The following CSMD1 variants were observed in gnomAD, a reference collection of about 807,000 sequenced individuals.
The protein encoded by CSMD1 is CUB and sushi domain-containing protein 1.
A neutral mutation model predicts 417.5 loss-of-function variants in CSMD1; 213 were observed. The ratio of observed to expected loss-of-function variants is 0.51; its 90% CI spans 0.46 to 0.57. The LOEUF (loss-of-function observed/expected upper bound fraction) is 0.57, where lower values mean the gene tolerates loss of function less well. Among genes scored for constraint, CSMD1 ranks in the 20% least tolerant of loss-of-function variants. The pLI is 0.00. For missense variants in CSMD1, 6,923 were observed against 4,529.7 expected (o/e 1.53, Z -15.17); for synonymous variants, 2,862 against 1,736.8 (o/e 1.65, Z -16.11).
At chr8:4,910,117 T>A (rs191291674) in intron 1 of CSMD1, among the ~76,000 whole-genome samples, 1 of 152,358 alleles carries the variant, frequency 6.6e-6, no homozygotes. Context: ...ATTGTCTAAA[T>A]TTTTATATCA....
At chr8:4,590,841 T>C in intron 2 of CSMD1, among the ~76,000 whole-genome samples, 1 of 152,208 alleles carries the variant, frequency 6.6e-6, no homozygotes, top group East Asian at 1.9e-4. Flanking sequence ...ATATGGGACA[T>C]AATTTGAGCT....
At position 3,271,432 on chromosome 8, in the gene CSMD1, G is replaced by C. The variant is rs1325033475; in HGVS notation, c.4153+12712C>G. Among the ~76,000 whole-genome samples, 4 of 151,230 alleles carry C rather than the reference G, an allele frequency of 2.6e-5. No individual in the cohort carries two copies. In the Middle Eastern group the frequency reaches 0.01, roughly 388 times the overall value. Reference sequence around the variant, plus strand: ...ATAGCAGCATGATTTATATTCCTTTGGGTATATACCCAGTAATGGGATGGC... The same window carrying C: ...ATAGCAGCATGATTTATATTCCTTTCGGTATATACCCAGTAATGGGATGGC... On this transcript the variant is annotated intron_variant, in intron 26 of 69. Transcript: ENST00000635120.
At chr8:4,427,134 C>A (rs1045721922) in intron 2 of CSMD1, among the ~76,000 whole-genome samples, 2 of 150,854 alleles carry the variant, frequency 1.3e-5, no homozygotes, top group Non-Finnish European at 3.0e-5. Flanking sequence ...CCTCTCCTGC[C>A]AGGTAGGGGT....
chr8:3,677,954 G>A (rs1268420310), intron 7 of CSMD1, among the ~76,000 whole-genome samples: 1 of 152,104 alleles, frequency 6.6e-6, no homozygotes, highest in Non-Finnish European at 1.5e-5. Context: ...TGCACTTGAG[G>A]AGCAGAAACA....
At chr8:3,521,485 T>C (rs1797506289) in intron 10 of CSMD1, among the ~76,000 whole-genome samples, 1 of 152,188 alleles carries the variant, frequency 6.6e-6, no homozygotes, top group Non-Finnish European at 1.5e-5. Context: ...TGTTCCTTGC[T>C]GTGGTCATGC....
intron 12 of CSMD1, among the ~76,000 whole-genome samples, chr8:3,460,448 G>A (rs1816425136): frequency 6.6e-6 from 1 of 152,032 alleles, no homozygotes; most frequent in South Asian, 2.1e-4. Context: ...AACAGTGTAG[G>A]AACACTCTCT....
intron 3 of CSMD1, among the ~76,000 whole-genome samples, chr8:4,104,530 T>G (rs1412608857): frequency 1.4e-5 from 2 of 145,580 alleles, no homozygotes; most frequent in South Asian, 4.8e-4. Context: ...TCCCACACCC[T>G]AAATTTGCAA....
At chr8:3,805,969 T>A (rs1034412785) in intron 5 of CSMD1, among the ~76,000 whole-genome samples, 2 of 152,094 alleles carry the variant, frequency 1.3e-5, no homozygotes, top group African/African-American at 4.8e-5. Context: ...TCTTCCGTCT[T>A]CAGATTCTAG....
chr8:4,911,424 C>G (rs1209993924), intron 1 of CSMD1, among the ~76,000 whole-genome samples: 2 of 152,164 alleles, frequency 1.3e-5, no homozygotes, highest in Non-Finnish European at 2.9e-5. Flanking sequence ...ACCTCTGACA[C>G]AGCATATTTT....
At chr8:4,140,758 TC>T (rs1183623571) in intron 3 of CSMD1, among the ~76,000 whole-genome samples, 2 of 150,982 alleles carry the variant, frequency 1.3e-5, no homozygotes, top group East Asian at 3.9e-4. Flanking sequence ...CTTCATCTCC[TC>T]CCCTCCAGCT....
At chr8:4,454,636 C>A (rs913746157) in intron 2 of CSMD1, among the ~76,000 whole-genome samples, 7 of 152,200 alleles carry the variant, frequency 4.6e-5, no homozygotes, top group Non-Finnish European at 1.0e-4. Context: ...GATAAAGAGA[C>A]TAAGGCTTCA....
intron 5 of CSMD1, among the ~76,000 whole-genome samples, chr8:3,859,209 G>A (rs1379679053): frequency 4.6e-5 from 7 of 152,178 alleles, no homozygotes; most frequent in East Asian, 3.9e-4. Context: ...AGAGGAGTAC[G>A]TGGGAAAGCC....
chr8:3,761,841 C>T (rs768399059), intron 5 of CSMD1, among the ~76,000 whole-genome samples: 30 of 152,106 alleles, frequency 2.0e-4, no homozygotes, highest in East Asian at 3.9e-4. Flanking sequence ...TTCTTCCACC[C>T]GGAGCGGCAC....
At chr8:3,267,779 G>A (rs1269251536) in intron 26 of CSMD1, among the ~76,000 whole-genome samples, 2 of 152,164 alleles carry the variant, frequency 1.3e-5, no homozygotes, top group Non-Finnish European at 1.5e-5. Context: ...TGGGAGTGGA[G>A]CGGGGAGACC....
chr8:4,627,493 T>C (rs1254465891), intron 2 of CSMD1, among the ~76,000 whole-genome samples: 2 of 152,224 alleles, frequency 1.3e-5, no homozygotes, highest in Non-Finnish European at 2.9e-5. Flanking sequence ...CTTGACACTT[T>C]CTTTTCTCAG....
chr8:4,182,900 G>A (rs1372509125), intron 3 of CSMD1, among the ~76,000 whole-genome samples: 1 of 152,142 alleles, frequency 6.6e-6, no homozygotes, highest in African/African-American at 2.4e-5. Flanking sequence ...TTGAATGGGA[G>A]AATGTAATTG....
intron 2 of CSMD1, among the ~76,000 whole-genome samples, chr8:4,463,939 G>A (rs1256108061): frequency 1.3e-5 from 2 of 152,048 alleles, no homozygotes; most frequent in African/African-American, 4.8e-5. Context: ...AGCAGCTCAG[G>A]ACTAGAGAAC....
chr8:4,489,949 A>G (rs570003405), intron 2 of CSMD1, among the ~76,000 whole-genome samples: 1 of 152,172 alleles, frequency 6.6e-6, no homozygotes, highest in East Asian at 1.9e-4. Flanking sequence ...TGTGATCGTC[A>G]TTAAGTAGCA....
intron 12 of CSMD1, among the ~76,000 whole-genome samples, chr8:3,441,293 T>C (rs1032634788): frequency 2.6e-5 from 4 of 152,106 alleles, no homozygotes; most frequent in African/African-American, 9.7e-5. Flanking sequence ...TTTCAAACAG[T>C]ACATTTGTGG....
Sources: gnomAD v4.1 joint callset for allele counts (sites outside exome capture counted in the v4.1 genomes callset) on GRCh38, gnomAD v4.1.1 for gene constraint, MANE v1.5 for transcripts, NCBI Gene and HGNC (gene_info 2026-07-23, HGNC 2026-07-21) for gene names.